Variants in NRG1 observed in about 807,000 individuals in gnomAD.
The protein encoded by NRG1 is pro-neuregulin-1, membrane-bound isoform.
Under a neutral mutation model 63.8 loss-of-function variants are expected in NRG1, and 18 were observed. The observed-to-expected ratio is 0.28, with a 90% CI of 0.19 to 0.42. The LOEUF (loss-of-function observed/expected upper bound fraction) is 0.42. NRG1 is among the 10% of genes least tolerant of loss of function. NRG1 has a pLI of 1.00. For missense variants in NRG1, 762 were observed against 814.7 expected (o/e 0.94, Z 0.79); for synonymous variants, 302 against 301.3 (o/e 1.00, Z -0.02).
At chr8:32,134,424 C>G (rs1026507643) in intron 1 of NRG1, among the ~76,000 whole-genome samples, 2 of 152,070 alleles carry the variant, frequency 1.3e-5, no homozygotes, top group Non-Finnish European at 2.9e-5. Flanking sequence ...GTACATGCAT[C>G]AATTAGACTG....
intron 1 of NRG1, among the ~76,000 whole-genome samples, chr8:32,031,151 C>T (rs1818201392): frequency 6.6e-6 from 1 of 152,176 alleles, no homozygotes; most frequent in South Asian, 2.1e-4. Context: ...GCACAGGCCC[C>T]TTGTGCTAGC....
chr8:32,600,623 AATTT>A (rs1844179123), intron 2 of NRG1, among the ~76,000 whole-genome samples: 1 of 152,106 alleles, frequency 6.6e-6, no homozygotes, highest in Admixed American at 6.6e-5. Flanking sequence ...ACTTCACATT[AATTT>A]ATTTTTACAC....
intron 1 of NRG1, among the ~76,000 whole-genome samples, chr8:32,112,856 CCT>C (rs770387195): frequency 7.9e-5 from 12 of 152,120 alleles, no homozygotes; most frequent in Non-Finnish European, 1.8e-4. Flanking sequence ...TTCAAATTTT[CCT>C]TTTTTCTGAA....
exon 2 of NRG1, chr8:32,595,991 A>G (rs1424748851): frequency 6.2e-7 from 1 of 1,613,250 alleles, no homozygotes; most frequent in South Asian, 1.1e-5. Flanking sequence ...ATATCAAGAT[A>G]CAAAAAAAGC....
chr8:31,910,756 G>T (rs1206629040), intron 1 of NRG1, among the ~76,000 whole-genome samples: 3 of 152,104 alleles, frequency 2.0e-5, no homozygotes, highest in Admixed American at 6.6e-5. Context: ...TGAGAAATTC[G>T]AATTTTTAAG....
At chr8:31,846,390 G>A (rs943090363) in intron 1 of NRG1, among the ~76,000 whole-genome samples, 5 of 152,126 alleles carry the variant, frequency 3.3e-5, no homozygotes, top group Non-Finnish European at 7.4e-5. Flanking sequence ...GCTATTCTCC[G>A]TTTTTATATT....
intron 1 of NRG1, among the ~76,000 whole-genome samples, chr8:32,061,298 AATT>A (rs1410717663): frequency 6.6e-6 from 1 of 151,982 alleles, no homozygotes; most frequent in East Asian, 1.9e-4. Flanking sequence ...ACCAGTAGTC[AATT>A]ATTATGATAC....
intron 1 of NRG1, among the ~76,000 whole-genome samples, chr8:32,306,568 T>C (rs532550662): frequency 6.6e-6 from 1 of 152,306 alleles, no homozygotes; most frequent in South Asian, 2.1e-4. Context: ...GACACTGTGG[T>C]TTATTAAAGA....
intron 1 of NRG1, among the ~76,000 whole-genome samples, chr8:31,731,394 A>T (rs1257727010): frequency 2.7e-5 from 4 of 149,698 alleles, no homozygotes; most frequent in African/African-American, 9.9e-5. Flanking sequence ...AAAGTTTTAA[A>T]AGTAGGATAC....
intron 1 of NRG1, among the ~76,000 whole-genome samples, chr8:32,254,711 T>G (rs2129471011): frequency 6.6e-6 from 1 of 152,296 alleles, no homozygotes; most frequent in South Asian, 2.1e-4. Context: ...CAGAGCTGAG[T>G]TCAATGGAAT....
At chr8:32,519,519 C>A (rs115784675) in intron 1 of NRG1, among the ~76,000 whole-genome samples, 1 of 151,260 alleles carries the variant, frequency 6.6e-6, no homozygotes, top group Admixed American at 6.6e-5. Context: ...TGAGATTATA[C>A]GCAAGATTTG....
At chr8:32,540,770 C>T (rs564829994) in intron 1 of NRG1, among the ~76,000 whole-genome samples, 3 of 152,170 alleles carry the variant, frequency 2.0e-5, no homozygotes, top group Admixed American at 6.5e-5. Flanking sequence ...AAGACCAGAG[C>T]TCCCTGCACC....
rs143333432 is a variant in NRG1, at chr8:32,457,372, G to A, written c.38-138456G>A. On this transcript the variant is annotated intron_variant, in intron 1 of 10. Coordinates refer to the NRG1 transcript ENST00000519301. Reference sequence around the variant, plus strand: ...ATGGCCTGATTCTTTTCTGTAAAGTGCTTTCACATTTGTAGTTGGTTCCTT... The same window carrying A: ...ATGGCCTGATTCTTTTCTGTAAAGTACTTTCACATTTGTAGTTGGTTCCTT... 8.9e-4 allele frequency among the ~76,000 whole-genome samples: 135 copies of A among 152,240 alleles called. 1 individual carries two copies. The Middle Eastern group carries it at 0.014, about 15-fold the overall frequency.
intron 6 of NRG1, among the ~76,000 whole-genome samples, chr8:32,740,436 A>T (rs1344816569): frequency 6.6e-6 from 1 of 151,948 alleles, no homozygotes; most frequent in Non-Finnish European, 1.5e-5. Flanking sequence ...CCTTGTTGTG[A>T]TCTTCCCACC....
intron 1 of NRG1, among the ~76,000 whole-genome samples, chr8:31,883,196 A>G (rs1377848048): frequency 6.6e-6 from 1 of 152,148 alleles, no homozygotes; most frequent in East Asian, 1.9e-4. Flanking sequence ...CATCAACATC[A>G]AGGGAAGACC....
At chr8:31,668,597 A>T (rs954845013) in intron 1 of NRG1, among the ~76,000 whole-genome samples, 1 of 152,180 alleles carries the variant, frequency 6.6e-6, no homozygotes, top group African/African-American at 2.4e-5. Flanking sequence ...TGAAGACTAG[A>T]TATTTGGAAT....
intron 1 of NRG1, among the ~76,000 whole-genome samples, chr8:32,553,870 C>A (rs1049577258): frequency 6.6e-6 from 1 of 152,078 alleles, no homozygotes; most frequent in African/African-American, 2.4e-5. Context: ...TTTTTTATTT[C>A]CTCCTCAGCC....
At chr8:32,263,388 C>T (rs751260493) in intron 1 of NRG1, among the ~76,000 whole-genome samples, 6 of 151,994 alleles carry the variant, frequency 3.9e-5, no homozygotes, top group African/African-American at 1.2e-4. Context: ...CATGTGTGAG[C>T]GATAAGGTAA....
chr8:31,901,780 G>A (rs1387523223), intron 1 of NRG1, among the ~76,000 whole-genome samples: 4 of 152,162 alleles, frequency 2.6e-5, no homozygotes, highest in Non-Finnish European at 5.9e-5. Flanking sequence ...ACTCATTGAA[G>A]CTCCAGGAAG....
Sources: gnomAD v4.1 joint callset for allele counts (sites outside exome capture counted in the v4.1 genomes callset) on GRCh38, gnomAD v4.1.1 for gene constraint, MANE v1.5 for transcripts, NCBI Gene and HGNC (gene_info 2026-07-23, HGNC 2026-07-21) for gene names.